The following PDE4D variants were observed in gnomAD, a reference collection of about 807,000 sequenced individuals.
The protein encoded by PDE4D is phosphodiesterase 4D.
PDE4D carries 24 observed loss-of-function variants against 87.4 expected under a neutral mutation model. The ratio of observed to expected loss-of-function variants is 0.27; its 90% confidence interval spans 0.20 to 0.39. The LOEUF (loss-of-function observed/expected upper bound fraction) is 0.39, where lower values mean the gene tolerates loss of function less well. PDE4D is among the 10% of genes least tolerant of loss of function. PDE4D has a pLI of 1.00. For missense variants in PDE4D, 714 were observed against 1,041.0 expected (o/e 0.69, Z 4.32); for synonymous variants, 384 against 383.2 (o/e 1.00, Z -0.02).
intron 2 of PDE4D, among the ~76,000 whole-genome samples, chr5:60,179,722 C>T (rs1434442241): frequency 6.6e-6 from 1 of 152,014 alleles, no homozygotes; most frequent in Non-Finnish European, 1.5e-5. Context: ...TGTAAACACA[C>T]TAATAATTTT....
intron 1 of PDE4D, among the ~76,000 whole-genome samples, chr5:59,771,499 G>GAAAGAAAAAGA (rs760590848): frequency 5.1e-5 from 1 of 19,700 alleles, no homozygotes; most frequent in Non-Finnish European, 1.2e-4. Context: ...GAGAGAGAGA[G>GAAAGAAAAAGA]AAGAAAGAAA....
chr5:59,900,650 G>A (rs1752162152), intron 3 of PDE4D, among the ~76,000 whole-genome samples: 2 of 152,194 alleles, frequency 1.3e-5, no homozygotes, highest in South Asian at 2.1e-4. Flanking sequence ...TGTGAGACCT[G>A]AAGAATGATT....
intron 3 of PDE4D, among the ~76,000 whole-genome samples, chr5:59,916,731 T>A (rs183975498): frequency 6.6e-6 from 1 of 152,192 alleles, no homozygotes; most frequent in East Asian, 1.9e-4. Context: ...CTTTTAAGAG[T>A]CACAGCATAC....
At chr5:59,672,123 C>T (rs919981415) in intron 1 of PDE4D, among the ~76,000 whole-genome samples, 1 of 152,072 alleles carries the variant, frequency 6.6e-6, no homozygotes, top group African/African-American at 2.4e-5. Context: ...TGAGGCAGAA[C>T]CTCATTTCTG....
chr5:59,508,523 A>G (rs752278290), intron 1 of PDE4D, among the ~76,000 whole-genome samples: 2 of 152,130 alleles, frequency 1.3e-5, no homozygotes, highest in Non-Finnish European at 2.9e-5. Flanking sequence ...AATACTAAAG[A>G]GTATGAGCTC....
At chr5:59,789,630 T>A (rs1198214479) in intron 1 of PDE4D, among the ~76,000 whole-genome samples, 1 of 152,170 alleles carries the variant, frequency 6.6e-6, no homozygotes, top group Non-Finnish European at 1.5e-5. Context: ...CTCATGGGAG[T>A]GAAAACTATG....
At chr5:60,226,145 C>A (rs915833212) in intron 1 of PDE4D, among the ~76,000 whole-genome samples, 2 of 151,960 alleles carry the variant, frequency 1.3e-5, no homozygotes, top group Admixed American at 1.3e-4. Flanking sequence ...TTTAATAAAT[C>A]AAAGTATTTG....
At chr5:59,851,464 C>T (rs970936788) in intron 1 of PDE4D, among the ~76,000 whole-genome samples, 3 of 152,134 alleles carry the variant, frequency 2.0e-5, no homozygotes, top group African/African-American at 2.4e-5. Flanking sequence ...GTATGTTAGA[C>T]AGATTCTAAG....
At chr5:59,273,304 G>A (rs1764196508) in intron 1 of PDE4D, among the ~76,000 whole-genome samples, 1 of 151,928 alleles carries the variant, frequency 6.6e-6, no homozygotes, top group Non-Finnish European at 1.5e-5. Flanking sequence ...GGCCGTTTGG[G>A]TTTTTTTAAT....
intron 5 of PDE4D, among the ~76,000 whole-genome samples, chr5:59,159,809 G>C (rs1351252914): frequency 6.6e-6 from 1 of 152,110 alleles, no homozygotes; most frequent in African/African-American, 2.4e-5. Flanking sequence ...GGTTTGCCAA[G>C]GAAAAAGCAG....
intron 2 of PDE4D, among the ~76,000 whole-genome samples, chr5:60,105,047 G>C (rs1776717759): frequency 6.6e-6 from 1 of 152,194 alleles, no homozygotes; most frequent in Non-Finnish European, 1.5e-5. Flanking sequence ...GAAGGCTTCA[G>C]ACAATCAAAC....
At chr5:59,689,262 A>AC (rs1238748427) in intron 1 of PDE4D, among the ~76,000 whole-genome samples, 1 of 152,188 alleles carries the variant, frequency 6.6e-6, no homozygotes, top group Non-Finnish European at 1.5e-5. Flanking sequence ...GCAGAGACAC[A>AC]ACAAAAAAAG....
rs1219686469 is a variant in PDE4D, at chr5:59,519,728, T to G, written c.456-303760A>C. The stretch of plus-strand genomic sequence containing the variant: ...CAACACGATGTGAACTAATTACTGT[T>G]TTTGTAGAATAACTCTGCTATGAGA... On this transcript the variant is annotated intron_variant, in intron 1 of 14. Coordinates refer to ENST00000340635, the MANE Select transcript of PDE4D (RefSeq NM_001104631.2). Among the ~76,000 whole-genome samples the G allele has an allele frequency of 2.0e-5, 3 of 152,172 alleles. No individual in the cohort carries two copies. In the East Asian group the frequency reaches 5.8e-4, roughly 29 times the overall value.
At chr5:59,715,172 T>C (rs1276676011) in intron 1 of PDE4D, among the ~76,000 whole-genome samples, 1 of 152,234 alleles carries the variant, frequency 6.6e-6, no homozygotes, top group Non-Finnish European at 1.5e-5. Flanking sequence ...TGTTCATTGA[T>C]AACAACCCCC....
intron 10 of PDE4D, 68 bp from the exon 11 acceptor site, chr5:58,988,660 T>C (rs1580124382): frequency 1.5e-6 from 1 of 646,502 alleles, no homozygotes; most frequent in Non-Finnish European, 2.4e-6. Context: ...TATAAACAAA[T>C]AAGAAATCTC....
chr5:59,518,193 T>C (rs200822958), intron 1 of PDE4D, among the ~76,000 whole-genome samples: 1 of 149,430 alleles, frequency 6.7e-6, no homozygotes, highest in Admixed American at 6.7e-5. Context: ...ACTTGTGTGT[T>C]TGTGTGTGTG....
In PDE4D at chr5:59,906,125, G is replaced by T. The variant is rs141799596; in HGVS notation, c.272+82363C>A. On this transcript the variant is annotated intron_variant, in intron 3 of 16. Coordinates refer to the PDE4D transcript ENST00000502484. ...TAGCCATGGCCTTTTTATGAAGAAG[G>T]TATTGTTATTCCTAATTTACAGATG... is the stretch of plus-strand genomic sequence containing the variant. Among the ~76,000 whole-genome samples, 77 of 152,182 alleles carry T rather than the reference G, an allele frequency of 5.1e-4. 1 individual carries two copies. In the East Asian group the frequency reaches 0.014, roughly 28 times the overall value.
At chr5:60,179,892 T>C (rs1439320782) in intron 2 of PDE4D, among the ~76,000 whole-genome samples, 3 of 152,188 alleles carry the variant, frequency 2.0e-5, no homozygotes, top group Admixed American at 6.5e-5. Flanking sequence ...CCACCAGTTA[T>C]GCTTTTCTTC....
At chr5:59,706,143 T>G (rs1017488691) in intron 1 of PDE4D, among the ~76,000 whole-genome samples, 6 of 152,190 alleles carry the variant, frequency 3.9e-5, no homozygotes, top group Non-Finnish European at 8.8e-5. Context: ...AAGACACTAG[T>G]GCCCTGGGGA....
Sources: allele counts gnomAD v4.1 joint callset (sites outside exome capture counted in the v4.1 genomes callset), GRCh38; gene constraint gnomAD v4.1.1; transcripts MANE v1.5; gene names NCBI Gene and HGNC (gene_info 2026-07-23, HGNC 2026-07-21).